Variants in CDKAL1 observed in about 807,000 individuals in gnomAD.
CDKAL1 encodes threonylcarbamoyladenosine tRNA methylthiotransferase.
Under a neutral mutation model 68.2 loss-of-function variants are expected in CDKAL1, and 32 were observed. The ratio of observed to expected loss-of-function variants is 0.47; its 90% CI spans 0.35 to 0.63. CDKAL1 has a LOEUF of 0.63. Among genes scored for constraint, CDKAL1 ranks in the 30% least tolerant of loss-of-function variants. CDKAL1 has a pLI of 0.00. For synonymous variants in CDKAL1, 234 were observed against 244.3 expected (o/e 0.96, Z 0.39); for missense variants, 606 against 696.7 (o/e 0.87, Z 1.47).
At chr6:20,747,935 A>G (rs981107749) in intron 6 of CDKAL1, among the ~76,000 whole-genome samples, 4 of 152,084 alleles carry the variant, frequency 2.6e-5, no homozygotes, top group African/African-American at 4.8e-5. Flanking sequence ...CTTTTTCCCT[A>G]TGTTTAAGGA....
At chr6:20,902,687 T>C (rs922904882) in intron 9 of CDKAL1, among the ~76,000 whole-genome samples, 3 of 152,146 alleles carry the variant, frequency 2.0e-5, no homozygotes, top group African/African-American at 7.2e-5. Flanking sequence ...TTGGGGAAAT[T>C]GCTTAAGGAC....
At chr6:20,768,765 T>A (rs186211917) in intron 7 of CDKAL1, among the ~76,000 whole-genome samples, 25 of 152,200 alleles carry the variant, frequency 1.6e-4, no homozygotes, top group Middle Eastern at 3.4e-3. Context: ...GTAGTTTTAG[T>A]CTTGGTAACT....
At chr6:20,556,864 T>C (rs1764063212) in intron 4 of CDKAL1, among the ~76,000 whole-genome samples, 1 of 151,726 alleles carries the variant, frequency 6.6e-6, no homozygotes, top group Admixed American at 6.6e-5. Flanking sequence ...GGTGAAATCC[T>C]GTCTCTACTA....
At chr6:20,634,428 A>T (rs1056434406) in intron 4 of CDKAL1, among the ~76,000 whole-genome samples, 1 of 152,208 alleles carries the variant, frequency 6.6e-6, no homozygotes, top group African/African-American at 2.4e-5. Context: ...TCAATTATGC[A>T]TATGTACAGA....
rs185293086 is a variant in CDKAL1, at chr6:21,008,485, A to G, written c.1055+8113A>G. On this transcript the variant is annotated intron_variant, in intron 11 of 15. Transcript: ENST00000274695. ...ATACAGTTGTAGGAAAAGGAAGGGAAGAAGGGCCAAGTGTTATTGAGAGTT... is the reference window on the plus strand; with the variant it reads ...ATACAGTTGTAGGAAAAGGAAGGGAGGAAGGGCCAAGTGTTATTGAGAGTT... Among the ~76,000 whole-genome samples, 379 of 152,308 alleles carry G rather than the reference A, an allele frequency of 2.5e-3. 3 individuals are homozygous for G. Among genetic ancestry groups the G allele is most frequent in the Middle Eastern group, 0.017 (5 of 294 alleles).
intron 8 of CDKAL1, among the ~76,000 whole-genome samples, chr6:20,824,893 A>C (rs1000605180): frequency 6.6e-6 from 1 of 152,166 alleles, no homozygotes; most frequent in Non-Finnish European, 1.5e-5. Flanking sequence ...TTGTATTTTA[A>C]AAATTCTTGA....
intron 4 of CDKAL1, among the ~76,000 whole-genome samples, chr6:20,602,522 T>C (rs951956544): frequency 6.6e-6 from 1 of 152,200 alleles, no homozygotes; most frequent in African/African-American, 2.4e-5. Context: ...TATTTGGTCC[T>C]CAGGATTTTA....
chr6:21,210,230 G>A (rs1779099933), intron 15 of CDKAL1, among the ~76,000 whole-genome samples: 1 of 152,164 alleles, frequency 6.6e-6, no homozygotes, highest in South Asian at 2.1e-4. Flanking sequence ...AGTCTAGTTG[G>A]GAAGAGAAGA....
intron 8 of CDKAL1, among the ~76,000 whole-genome samples, chr6:20,814,242 T>TA (rs1025714332): frequency 2.0e-5 from 3 of 151,992 alleles, no homozygotes; most frequent in African/African-American, 7.3e-5. Context: ...TATATAAAAA[T>TA]AAAATTTTTT....
intron 12 of CDKAL1, among the ~76,000 whole-genome samples, chr6:21,091,996 C>T (rs999792866): frequency 6.7e-6 from 1 of 149,532 alleles, no homozygotes; most frequent in Non-Finnish European, 1.5e-5. Flanking sequence ...ACGCCATTCT[C>T]CTGCCTCAGC....
At position 20,676,439 on chromosome 6, in the gene CDKAL1, G is replaced by T. The variant is rs545563524; in HGVS notation, c.371+27062G>T. Reference sequence around the variant, plus strand: ...TCCCAACACTTTGGGAGGCCGATGCGTGCGGGTCATGAGGTCAGGAGATCG... The same window carrying T: ...TCCCAACACTTTGGGAGGCCGATGCTTGCGGGTCATGAGGTCAGGAGATCG... On this transcript the variant is annotated intron_variant, in intron 5 of 15. Transcript: ENST00000274695. Among the ~76,000 whole-genome samples, 16 of 152,158 alleles carry T rather than the reference G, an allele frequency of 1.1e-4. 1 individual carries two copies. The South Asian group carries it at 3.3e-3, about 32-fold the overall frequency.
chr6:21,005,848 T>C (rs1767696886), intron 11 of CDKAL1, among the ~76,000 whole-genome samples: 1 of 152,250 alleles, frequency 6.6e-6, no homozygotes, highest in Non-Finnish European at 1.5e-5. Context: ...TAATAAGCAA[T>C]GAGCACTCAT....
chr6:20,749,446 G>A (rs4644038), intron 6 of CDKAL1, among the ~76,000 whole-genome samples: 60,477 of 151,928 alleles, frequency 0.4, 12,303 homozygotes, highest in Non-Finnish European at 0.43. Context: ...TCAGTGGTTC[G>A]GGTCCCTGGA....
chr6:21,164,415 C>A (rs1777054708), intron 13 of CDKAL1, among the ~76,000 whole-genome samples: 1 of 151,914 alleles, frequency 6.6e-6, no homozygotes, highest in Non-Finnish European at 1.5e-5. Flanking sequence ...TTTAACCTCA[C>A]TGCCATGCCT....
rs1477999285 is a variant in CDKAL1 at position 20,535,385 on chromosome 6, GAT to G, written c.-13_-12del. 2.0e-5 allele frequency: 3 copies of G among 152,330 alleles called. No individual in the cohort carries two copies. The highest frequency in any genetic ancestry group is 7.2e-5 in the African/African-American group (3 of 41,452). 9.4% of individuals were successfully genotyped at this position (152,330 alleles called of 1,614,324 possible). A position where few individuals can be genotyped will look rare whatever the true frequency, so the allele number is the denominator to read the frequency against. On this transcript the variant is annotated 5_prime_UTR_variant, in exon 2 of 16. It removes the in-frame stop codon of an upstream open reading frame in the 5' UTR. Coordinates refer to ENST00000274695, the MANE Select transcript of CDKAL1 (RefSeq NM_017774.3). ...TCAAGAGGACTTTAGACTAATTGCA[GAT>G]AATTAAGGTACTGATTTATTTTAAA... is the stretch of plus-strand genomic sequence containing the variant.
intron 9 of CDKAL1, among the ~76,000 whole-genome samples, chr6:20,943,338 AAAAAAAGAAAAAG>A (rs1462611087): frequency 1.3e-5 from 1 of 78,986 alleles, no homozygotes; most frequent in African/African-American, 4.3e-5. Context: ...CAAAAAAAAA[AAAAAAAGAAAAAG>A]AAAAAAAGAA....
chr6:20,728,761 C>T (rs1772769537), intron 5 of CDKAL1, among the ~76,000 whole-genome samples: 1 of 152,162 alleles, frequency 6.6e-6, no homozygotes, highest in South Asian at 2.1e-4. Context: ...AGGCAGTCAC[C>T]TTACCAAGTC....
intron 13 of CDKAL1, among the ~76,000 whole-genome samples, chr6:21,141,268 T>C (rs1056078937): frequency 6.6e-6 from 1 of 152,204 alleles, no homozygotes; most frequent in South Asian, 2.1e-4. Context: ...TGACCTACTT[T>C]CTCTTCTAGC....
At chr6:20,667,458 C>T (rs1769604035) in intron 5 of CDKAL1, among the ~76,000 whole-genome samples, 1 of 151,398 alleles carries the variant, frequency 6.6e-6, no homozygotes, top group Admixed American at 6.6e-5. Context: ...TATACTCATC[C>T]TGGGTCTCTG....
Sources: gnomAD v4.1 joint callset for allele counts (sites outside exome capture counted in the v4.1 genomes callset) on GRCh38, gnomAD v4.1.1 for gene constraint, MANE v1.5 for transcripts, NCBI Gene and HGNC (gene_info 2026-07-23, HGNC 2026-07-21) for gene names.